Variants in TRDN observed in about 807,000 individuals in gnomAD.
The protein encoded by TRDN is triadin in skeletal muscle.
Under a neutral mutation model 149.7 loss-of-function variants are expected in TRDN, and 161 were observed. The ratio of observed to expected loss-of-function variants is 1.08; its 90% CI spans 0.95 to 1.23. TRDN has a LOEUF of 1.23. TRDN is among the 50% of genes most tolerant of loss of function. The pLI is 0.00. For missense variants in TRDN, 896 were observed against 823.5 expected, an observed-to-expected ratio of 1.09 and a Z score of -1.08; for synonymous variants, 294 against 250.5, an observed-to-expected ratio of 1.17 and a Z score of -1.64.
At chr6:123,358,808 T>C (rs1057119917) in intron 20 of TRDN, among the ~76,000 whole-genome samples, 13 of 151,992 alleles carry the variant, frequency 8.6e-5, no homozygotes, top group Non-Finnish European at 1.6e-4. Context: ...AATGGAGAAG[T>C]GAGACTTACC....
At chr6:123,544,153 C>T (rs1485852264) in intron 4 of TRDN, among the ~76,000 whole-genome samples, 1 of 151,588 alleles carries the variant, frequency 6.6e-6, no homozygotes, top group Non-Finnish European at 1.5e-5. Flanking sequence ...ATGTATTTTA[C>T]AGTTAGAATG....
At chr6:123,395,055 A>T (rs1400358346) in intron 12 of TRDN, among the ~76,000 whole-genome samples, 1 of 152,196 alleles carries the variant, frequency 6.6e-6, no homozygotes, top group Non-Finnish European at 1.5e-5. Context: ...TTCTGCTCAG[A>T]TGTTTTACTT....
intron 10 of TRDN, 88 bp from the exon 11 acceptor site, chr6:123,439,091 G>A: frequency 1.0e-6 from 1 of 991,656 alleles, no homozygotes; most frequent in Non-Finnish European, 1.5e-6. Flanking sequence ...TGTTAAGTCA[G>A]TTCTGCCTCC....
In TRDN at chr6:123,495,565, T is replaced by G. The variant is rs1778412752; in HGVS notation, c.853+1628A>C. On this transcript the variant is annotated intron_variant, in intron 9 of 40. Coordinates refer to ENST00000334268, the MANE Select transcript of TRDN (RefSeq NM_006073.4). Reference sequence around the variant, plus strand: ...AAAATTTGTACAGATGTGGTCTCCATATGTTGCCCAGGCTGGTCTCAAACT... The same window carrying G: ...AAAATTTGTACAGATGTGGTCTCCAGATGTTGCCCAGGCTGGTCTCAAACT... Among the ~76,000 whole-genome samples the G allele has an allele frequency of 2.0e-5, 3 of 151,686 alleles. No homozygotes were observed. The South Asian group carries it at 6.3e-4, about 32-fold the overall frequency.
intron 9 of TRDN, among the ~76,000 whole-genome samples, chr6:123,491,885 T>G (rs1246465771): frequency 6.6e-6 from 1 of 152,192 alleles, no homozygotes; most frequent in Non-Finnish European, 1.5e-5. Context: ...GTACCTAGTC[T>G]TGTCTAATAC....
At chr6:123,521,912 T>C (rs1387312980) in intron 5 of TRDN, among the ~76,000 whole-genome samples, 1 of 152,150 alleles carries the variant, frequency 6.6e-6, no homozygotes, top group Non-Finnish European at 1.5e-5. Flanking sequence ...TTTTTCAAAT[T>C]TATCATTAAC....
intron 12 of TRDN, among the ~76,000 whole-genome samples, chr6:123,410,399 C>T (rs1188885498): frequency 6.6e-6 from 1 of 152,114 alleles, no homozygotes; most frequent in Admixed American, 6.6e-5. Flanking sequence ...TCACTGCACT[C>T]ACAAAAATTA....
intron 2 of TRDN, among the ~76,000 whole-genome samples, chr6:123,552,612 C>A (rs1431261275): frequency 1.3e-5 from 2 of 152,120 alleles, no homozygotes; most frequent in Non-Finnish European, 2.9e-5. Flanking sequence ...CAGTAATAAT[C>A]ATTCTGCCTT....
chr6:123,634,054 G>A (rs1181745450), intron 1 of TRDN, among the ~76,000 whole-genome samples: 1 of 152,000 alleles, frequency 6.6e-6, no homozygotes, highest in East Asian at 1.9e-4. Flanking sequence ...GTGTGTGCGT[G>A]ATAAATGGAT....
intron 24 of TRDN, among the ~76,000 whole-genome samples, chr6:123,299,633 A>G (rs1778332182): frequency 6.6e-6 from 1 of 152,094 alleles, no homozygotes; most frequent in African/African-American, 2.4e-5. Context: ...TTAAGTATCA[A>G]GCCTCTTTTA....
intron 8 of TRDN, chr6:123,503,282 T>A (rs1446417565): frequency 1.0e-6 from 1 of 985,208 alleles, no homozygotes; most frequent in Non-Finnish European, 1.2e-6. Flanking sequence ...TATGGATAGT[T>A]TTTATGATAT....
intron 21 of TRDN, among the ~76,000 whole-genome samples, chr6:123,344,596 T>C (rs1419059236): frequency 5.3e-5 from 8 of 152,082 alleles, no homozygotes; most frequent in East Asian, 1.9e-4. Flanking sequence ...TGTATTTTTA[T>C]GGCTTGACAG....
intron 1 of TRDN, among the ~76,000 whole-genome samples, chr6:123,599,780 CAAAT>C (rs1037452659): frequency 7.9e-5 from 12 of 151,786 alleles, no homozygotes; most frequent in African/African-American, 2.9e-4. Flanking sequence ...AATTGTTACA[CAAAT>C]AAAACTCTAG....
At chr6:123,628,694 T>C (rs1785803770) in intron 1 of TRDN, among the ~76,000 whole-genome samples, 1 of 152,178 alleles carries the variant, frequency 6.6e-6, no homozygotes, top group Non-Finnish European at 1.5e-5. Flanking sequence ...TGTTTTATAA[T>C]CTGTCCAGTC....
chr6:123,251,548 T>A (rs1394962331), intron 38 of TRDN, among the ~76,000 whole-genome samples: 2 of 151,926 alleles, frequency 1.3e-5, no homozygotes, highest in Non-Finnish European at 2.9e-5. Flanking sequence ...TCTTTTAATG[T>A]GTCAACTAGA....
intron 25 of TRDN, 36 bp downstream of exon 25, chr6:123,279,020 G>A (rs1294680306): frequency 6.3e-7 from 1 of 1,590,532 alleles, no homozygotes; most frequent in African/African-American, 1.4e-5. Context: ...ATGTACATAT[G>A]TACGTGTTTG....
At chr6:123,219,757 A>G (rs780991880) in intron 40 of TRDN, among the ~76,000 whole-genome samples, 8 of 151,700 alleles carry the variant, frequency 5.3e-5, no homozygotes, top group Non-Finnish European at 7.4e-5. Flanking sequence ...CTATCTTCAA[A>G]CCGAAGCAAT....
chr6:123,490,456 T>C (rs1384680902), intron 9 of TRDN, among the ~76,000 whole-genome samples: 1 of 152,154 alleles, frequency 6.6e-6, no homozygotes, highest in Non-Finnish European at 1.5e-5. Context: ...AACTTGTGAG[T>C]TGTTTATTTC....
At chr6:123,402,094 T>C (rs971868077) in intron 12 of TRDN, among the ~76,000 whole-genome samples, 1 of 152,204 alleles carries the variant, frequency 6.6e-6, no homozygotes, top group African/African-American at 2.4e-5. Flanking sequence ...TGTTTGATGT[T>C]AATGAGAAGT....
Sources: gnomAD v4.1 joint callset for allele counts (sites outside exome capture counted in the v4.1 genomes callset) on GRCh38, gnomAD v4.1.1 for gene constraint, MANE v1.5 for transcripts, NCBI Gene and HGNC (gene_info 2026-07-23, HGNC 2026-07-21) for gene names.